Variants in NKAIN3 observed in about 807,000 individuals in gnomAD.
The protein encoded by NKAIN3 is sodium/potassium transporting ATPase interacting 3, also known as sodium/potassium-transporting ATPase subunit beta-1-interacting protein 3.
A neutral mutation model predicts 30.2 loss-of-function variants in NKAIN3; 25 were observed. The ratio of observed to expected loss-of-function variants is 0.83; its 90% CI spans 0.60 to 1.16. The LOEUF (loss-of-function observed/expected upper bound fraction) is 1.16, where lower values mean the gene tolerates loss of function less well. NKAIN3 is among the 50% of genes most tolerant of loss of function. NKAIN3 has a pLI of 0.00. For missense variants in NKAIN3, 225 were observed against 254.1 expected (o/e 0.89, Z 0.78); for synonymous variants, 91 against 89.6 (o/e 1.02, Z -0.09).
chr8:62,898,260 A>T (rs1036299182), intron 4 of NKAIN3, among the ~76,000 whole-genome samples: 2 of 152,168 alleles, frequency 1.3e-5, no homozygotes, highest in East Asian at 1.9e-4. Flanking sequence ...AGACACAAGC[A>T]TGCATATTTT....
In NKAIN3 at chr8:62,410,716, C is replaced by A. The variant is rs930608205; in HGVS notation, c.54+161589C>A. 2.0e-5 allele frequency among the ~76,000 whole-genome samples: 3 copies of A among 152,206 alleles called. No homozygotes were observed. The South Asian group carries it at 6.2e-4, about 32-fold the overall frequency. ...TCCCCACAGAAATATAAAAGATCCT[C>A]AGAGTATACTATGAACAACTCTATG... On this transcript the variant is annotated intron_variant, in intron 1 of 6. Transcript: ENST00000623646.
intron 1 of NKAIN3, among the ~76,000 whole-genome samples, chr8:62,519,428 A>G (rs1307764067): frequency 6.6e-6 from 1 of 152,178 alleles, no homozygotes; most frequent in Non-Finnish European, 1.5e-5. Context: ...TGCATATTTT[A>G]CTTTCTTAGA....
At chr8:62,795,380 C>T (rs1332004459) in intron 4 of NKAIN3, among the ~76,000 whole-genome samples, 1 of 152,060 alleles carries the variant, frequency 6.6e-6, no homozygotes, top group Non-Finnish European at 1.5e-5. Flanking sequence ...TCATGGGTCC[C>T]CTGAATTCCA....
chr8:62,616,844 A>G (rs1286245853), intron 3 of NKAIN3, among the ~76,000 whole-genome samples: 14 of 152,114 alleles, frequency 9.2e-5, no homozygotes, highest in Admixed American at 9.2e-4. Flanking sequence ...TCGGCAATAT[A>G]GTTTGGATGT....
Position 62,456,724 on chromosome 8 carries a change from A to C in NKAIN3, c.55-122815A>C, listed in dbSNP as rs189312776. ...CTGTGAACTGATTATACAAGTTTCC[A>C]CTTATCTCAGCCTTAGTATGAATAT... On this transcript the variant is annotated intron_variant, in intron 1 of 6. Transcript: ENST00000623646. Among the ~76,000 whole-genome samples, 281 of 152,328 alleles carry C rather than the reference A, an allele frequency of 1.8e-3. 1 individual carries two copies. Among genetic ancestry groups the C allele is most frequent in the African/African-American group, 6.3e-3 (263 of 41,590 alleles).
intron 1 of NKAIN3, among the ~76,000 whole-genome samples, chr8:62,306,384 G>C (rs188185638): frequency 2.7e-5 from 4 of 150,288 alleles, no homozygotes; most frequent in Admixed American, 2.6e-4. Context: ...AAACATTTCA[G>C]AAAGATAAAC....
intron 6 of NKAIN3, among the ~76,000 whole-genome samples, chr8:62,957,420 C>G (rs1823449766): frequency 1.3e-5 from 2 of 152,202 alleles, no homozygotes. Context: ...AGGCGTGAGC[C>G]ACCGCGCCCG....
chr8:62,728,745 C>G (rs1429482433), intron 3 of NKAIN3, among the ~76,000 whole-genome samples: 2 of 151,850 alleles, frequency 1.3e-5, no homozygotes, highest in East Asian at 3.9e-4. Flanking sequence ...AATCCCAGCA[C>G]TTTGGGAGGC....
chr8:62,401,019 C>CTCTCTCTCTCTCTT lies in NKAIN3; in HGVS notation c.54+151892_54+151893insTCTCTCTCTCTCTT, dbSNP rs1803849238. The stretch of plus-strand genomic sequence containing the variant: ...TTGATTAAACTTTCTACCTTTCTCT[C>CTCTCTCTCTCTCTT]ACTCTCTCTCTCTCTCTCTACATCC... On this transcript the variant is annotated intron_variant, in intron 1 of 6. Coordinates refer to ENST00000623646, the MANE Select transcript of NKAIN3 (RefSeq NM_001304533.3). 8.8e-5 allele frequency among the ~76,000 whole-genome samples: 13 copies of CTCTCTCTCTCTCTT among 148,018 alleles called. No homozygotes were observed. The South Asian group carries it at 2.8e-3, about 32-fold the overall frequency.
At chr8:62,471,863 T>G (rs1341520228) in intron 1 of NKAIN3, among the ~76,000 whole-genome samples, 2 of 152,014 alleles carry the variant, frequency 1.3e-5, no homozygotes, top group Non-Finnish European at 2.9e-5. Context: ...AACAATTGCT[T>G]GAGCCCAAGA....
chr8:62,886,006 T>G (rs1398539179), intron 4 of NKAIN3, among the ~76,000 whole-genome samples: 1 of 152,206 alleles, frequency 6.6e-6, no homozygotes, highest in African/African-American at 2.4e-5. Context: ...ATAGTTGGAT[T>G]AATGTCTACC....
chr8:62,903,758 G>A (rs1003738324), intron 4 of NKAIN3, among the ~76,000 whole-genome samples: 1 of 152,138 alleles, frequency 6.6e-6, no homozygotes, highest in African/African-American at 2.4e-5. Context: ...AGTTCATCAT[G>A]GTTGGGGCAG....
chr8:62,909,332 A>C (rs1349662073), intron 4 of NKAIN3, among the ~76,000 whole-genome samples: 1 of 152,252 alleles, frequency 6.6e-6, no homozygotes, highest in Non-Finnish European at 1.5e-5. Context: ...AATGTATGCT[A>C]TCAGAATTTA....
chr8:62,950,648 C>T (rs1338893056), intron 5 of NKAIN3, among the ~76,000 whole-genome samples: 2 of 151,668 alleles, frequency 1.3e-5, no homozygotes, highest in Non-Finnish European at 2.9e-5. Context: ...AAGAAGAAAA[C>T]AAATAGCAAT....
chr8:62,664,674 T>A (rs979433870), intron 3 of NKAIN3, among the ~76,000 whole-genome samples: 1 of 152,158 alleles, frequency 6.6e-6, no homozygotes, highest in Non-Finnish European at 1.5e-5. Context: ...AAGTCATATT[T>A]TCTCAACCAG....
chr8:62,864,255 G>A, intron 4 of NKAIN3: 1 of 950,042 alleles, frequency 1.1e-6, no homozygotes, highest in Non-Finnish European at 1.6e-6. Flanking sequence ...GGAGGCGGCC[G>A]AGGCAGACGG....
chr8:62,539,429 T>C (rs1808770193), intron 1 of NKAIN3, among the ~76,000 whole-genome samples: 1 of 152,194 alleles, frequency 6.6e-6, no homozygotes, highest in Admixed American at 6.5e-5. Context: ...TACTGCAGTG[T>C]GAAATTGGCC....
intron 1 of NKAIN3, among the ~76,000 whole-genome samples, chr8:62,478,811 C>A (rs1399226186): frequency 2.0e-5 from 3 of 152,140 alleles, no homozygotes; most frequent in Non-Finnish European, 4.4e-5. Context: ...ACTTCCCACA[C>A]AATTCTGAGT....
chr8:62,480,667 C>G (rs1481956652), intron 1 of NKAIN3, among the ~76,000 whole-genome samples: 1 of 152,056 alleles, frequency 6.6e-6, no homozygotes, highest in Non-Finnish European at 1.5e-5. Flanking sequence ...AAAAAAGGCC[C>G]TAGATTTCTA....
Sources: allele counts gnomAD v4.1 joint callset (sites outside exome capture counted in the v4.1 genomes callset), GRCh38; gene constraint gnomAD v4.1.1; transcripts MANE v1.5; gene names NCBI Gene and HGNC (gene_info 2026-07-23, HGNC 2026-07-21).